EYS: variants seen among roughly 807,000 people sequenced by gnomAD.
EYS encodes the protein protein eyes shut homolog.
In EYS, 250 loss-of-function variants were observed where a neutral mutation model predicts 282.1. The ratio of observed to expected loss-of-function variants is 0.89; its 90% CI spans 0.80 to 0.98. The LOEUF is 0.98. Ranked by LOEUF, EYS falls within the 50% of genes least tolerant of loss-of-function variation. EYS has a pLI of 0.00. For synonymous variants in EYS, 1,355 were observed against 1,282.9 expected (o/e 1.06, Z -1.20); for missense variants, 4,016 against 3,709.0 (o/e 1.08, Z -2.15).
intron 10 of EYS, among the ~76,000 whole-genome samples, chr6:65,338,830 C>T (rs1289256909): frequency 6.6e-6 from 1 of 151,010 alleles, no homozygotes; most frequent in African/African-American, 2.4e-5. Context: ...ATTATTACCC[C>T]AAAGTCACTT....
At chr6:65,498,972 G>A (rs2127275282) in intron 2 of EYS, among the ~76,000 whole-genome samples, 1 of 151,946 alleles carries the variant, frequency 6.6e-6, no homozygotes, top group Non-Finnish European at 1.5e-5. Flanking sequence ...AAATTCTTGG[G>A]CCAAGAAGTC....
At chr6:65,328,549 A>C (rs1769687100) in intron 11 of EYS, among the ~76,000 whole-genome samples, 1 of 151,208 alleles carries the variant, frequency 6.6e-6, no homozygotes, top group Non-Finnish European at 1.5e-5. Context: ...AAATATGTAA[A>C]TCTAAAGAAA....
At chr6:65,286,828 A>G (rs1414332200) in intron 12 of EYS, among the ~76,000 whole-genome samples, 3 of 151,698 alleles carry the variant, frequency 2.0e-5, no homozygotes, top group Non-Finnish European at 4.4e-5. Context: ...AGTTAATTGA[A>G]GAGTAGTAAT....
At chr6:64,230,396 C>A (rs1196659465) in intron 31 of EYS, among the ~76,000 whole-genome samples, 196 bp downstream of exon 31, 1 of 152,060 alleles carries the variant, frequency 6.6e-6, no homozygotes, top group East Asian at 1.9e-4. Context: ...ATTCCTAATG[C>A]AGAAAACATC....
chr6:64,367,937 T>C (rs1180630388), intron 29 of EYS, among the ~76,000 whole-genome samples: 2 of 152,162 alleles, frequency 1.3e-5, no homozygotes, highest in East Asian at 1.9e-4. Flanking sequence ...TGACATCTTC[T>C]ACTTTTGTTT....
chr6:64,909,662 T>A (rs1457747136), intron 16 of EYS, among the ~76,000 whole-genome samples: 1 of 152,116 alleles, frequency 6.6e-6, no homozygotes, highest in Admixed American at 6.6e-5. Flanking sequence ...TTGCCCTTTA[T>A]TTATCTCACA....
At chr6:65,446,950 A>G (rs557272399) in intron 5 of EYS, among the ~76,000 whole-genome samples, 1 of 151,902 alleles carries the variant, frequency 6.6e-6, no homozygotes, top group South Asian at 2.1e-4. Context: ...TTTTCATATA[A>G]TATTAGTTAT....
chr6:64,291,986 A>C (rs190967045), intron 30 of EYS, among the ~76,000 whole-genome samples: 1 of 152,234 alleles, frequency 6.6e-6, no homozygotes, highest in African/African-American at 2.4e-5. Flanking sequence ...TTTATTCCTT[A>C]TATCAGTCGT....
chr6:64,918,595 A>T (rs1410216930), intron 15 of EYS, among the ~76,000 whole-genome samples: 1 of 152,184 alleles, frequency 6.6e-6, no homozygotes, highest in Non-Finnish European at 1.5e-5. Flanking sequence ...TGAGTACTAC[A>T]CAAAGGGAGT....
At chr6:64,335,096 T>C (rs1009314498) in intron 29 of EYS, among the ~76,000 whole-genome samples, 1 of 151,876 alleles carries the variant, frequency 6.6e-6, no homozygotes, top group African/African-American at 2.4e-5. Context: ...CAAGAAGAAA[T>C]AGCTAACTGT....
chr6:65,534,593 T>G (rs988392226), intron 2 of EYS, among the ~76,000 whole-genome samples: 1 of 152,048 alleles, frequency 6.6e-6, no homozygotes, highest in Non-Finnish European at 1.5e-5. Context: ...GCTTCCTTAA[T>G]TTTTGCGTCT....
At chr6:63,871,947 CCA>C (rs1356978836) in intron 35 of EYS, among the ~76,000 whole-genome samples, 1 of 152,196 alleles carries the variant, frequency 6.6e-6, no homozygotes, top group Admixed American at 6.5e-5. Flanking sequence ...TGGAGAATTA[CCA>C]CCAGGAGACA....
At chr6:64,713,640 T>G (rs1455478970) in intron 22 of EYS, among the ~76,000 whole-genome samples, 1 of 152,168 alleles carries the variant, frequency 6.6e-6, no homozygotes, top group African/African-American at 2.4e-5. Context: ...ATAAATCTTG[T>G]GCACATGTTT....
chr6:64,921,791 T>C (rs532954125), intron 15 of EYS, among the ~76,000 whole-genome samples: 2 of 152,096 alleles, frequency 1.3e-5, no homozygotes, highest in Non-Finnish European at 2.9e-5. Flanking sequence ...AAAACAGTTA[T>C]CAATAATCCC....
At chr6:64,438,962 G>GT (rs935938380) in intron 27 of EYS, among the ~76,000 whole-genome samples, 200 bp downstream of exon 27, 2 of 151,418 alleles carry the variant, frequency 1.3e-5, no homozygotes, top group African/African-American at 2.4e-5. Flanking sequence ...TATTAAATCA[G>GT]TTTTTTTGCT....
At chr6:64,686,761 A>ATATATATG (rs1407449852) in intron 22 of EYS, among the ~76,000 whole-genome samples, 1 of 19,460 alleles carries the variant, frequency 5.1e-5, no homozygotes, top group African/African-American at 1.3e-4. Flanking sequence ...ATATATATAT[A>ATATATATG]TGTGTGTATA....
intron 2 of EYS, among the ~76,000 whole-genome samples, chr6:65,591,732 C>A (rs1765240880): frequency 6.6e-6 from 1 of 152,028 alleles, no homozygotes; most frequent in Non-Finnish European, 1.5e-5. Context: ...ACTGATTCTT[C>A]AGCTATCACT....
chr6:65,702,351 G>A (rs1769707557), intron 1 of EYS, among the ~76,000 whole-genome samples: 1 of 152,108 alleles, frequency 6.6e-6, no homozygotes, highest in Non-Finnish European at 1.5e-5. Context: ...TTGATGATTG[G>A]CTTACTTATT....
chr6:63,843,238 G>A (rs1336917280), intron 36 of EYS, among the ~76,000 whole-genome samples: 1 of 152,160 alleles, frequency 6.6e-6, no homozygotes, highest in African/African-American at 2.4e-5. Context: ...TCCTGTCCAT[G>A]AGCATGGAAC....
Sources: allele counts gnomAD v4.1 joint callset (sites outside exome capture counted in the v4.1 genomes callset), GRCh38; gene constraint gnomAD v4.1.1; transcripts MANE v1.5; gene names NCBI Gene and HGNC (gene_info 2026-07-23, HGNC 2026-07-21).